The following ZNF772 variants were observed in gnomAD, a reference collection of about 807,000 sequenced individuals.
ZNF772 encodes zinc finger protein 772.
Under a neutral mutation model 11.0 loss-of-function variants are expected in ZNF772, and 8 were observed. The ratio of observed to expected loss-of-function variants is 0.73; its 90% CI spans 0.43 to 1.31. The LOEUF is 1.31. Among genes scored for constraint, ZNF772 ranks in the 50% most tolerant of loss-of-function variants. The pLI, the probability that ZNF772 is intolerant of heterozygous loss-of-function variation, is 0.01. For missense variants in ZNF772, 496 were observed against 552.3 expected, an observed-to-expected ratio of 0.90 and a Z score of 1.02; for synonymous variants, 155 against 180.4, an observed-to-expected ratio of 0.86 and a Z score of 1.13.
At chr19:57,476,409 G>C in intron 2 of ZNF772, 1 of 577,358 alleles carries the variant, frequency 1.7e-6, no homozygotes, top group East Asian at 2.9e-5. Context: ...GCTGGTTCCT[G>C]TGCCTGGAAC....
chr19:57,476,090 C>T (rs1335343129), intron 2 of ZNF772, among the ~76,000 whole-genome samples: 1 of 152,202 alleles, frequency 6.6e-6, no homozygotes, highest in Non-Finnish European at 1.5e-5. Context: ...TACCAGACAA[C>T]CAAAGATGGG....
At position 57,474,123 on chromosome 19, in the gene ZNF772, G is replaced by A; in HGVS notation, c.498C>T (p.Pro166=). 5 of 1,614,152 alleles carry A rather than the reference G, an allele frequency of 3.1e-6. No individual in the cohort carries two copies. The highest frequency in any genetic ancestry group is 4.2e-6 in the Non-Finnish European group (5 of 1,180,004). ...GCACAGCACAGTTGTTCAGAAGAAA[G>A]GGCCTGCTCTTATCACTTCTAAAGG... ...EKPFRSDKSR[P]FLLNNCAVQS... is the part of the protein sequence containing the mutation. Residue 166 remains proline (P), a synonymous_variant, in exon 4 of 4, where the codon CCC becomes CCT. Transcript: ENST00000356584.
rs867342081 is a variant in ZNF772, at chr19:57,474,410, C to T, written c.211G>A (p.Gly71Arg). Reference sequence around the variant, plus strand: ...AAAGGTATCTCTTCATCCTCCATTCCATGCCAACAACCTGAAAGCAGAGAA... The same window carrying T: ...AAAGGTATCTCTTCATCCTCCATTCTATGCCAACAACCTGAAAGCAGAGAA... ...ALMASLGCWH[G>R]MEDEEIPFEQ... The change falls in exon 4 of 4, where the codon GGA becomes AGA. Residue 71 changes from glycine to arginine, a missense_variant. Gly to Arg is a moderately radical substitution (Grantham distance 125, BLOSUM62 -2). Transcript: ENST00000356584. The T allele has an allele frequency of 7.5e-6, 12 of 1,601,758 alleles. No individual in the cohort carries two copies. The Middle Eastern group carries it at 5.0e-4, about 66-fold the overall frequency.
chr19:57,475,188 T>G lies in ZNF772; in HGVS notation c.199+472A>C, dbSNP rs140459171. The G allele has an allele frequency of 3.7e-6, 6 of 1,607,312 alleles. No homozygotes were observed. The South Asian group carries it at 4.4e-5, about 12-fold the overall frequency. On this transcript the variant is annotated intron_variant, in intron 3 of 3. Transcript: ENST00000356584. This position sits in a 1 kb window ranked among gnomAD's most constrained non-coding sequence, Gnocchi z 4.2. ...ACAGCACTGGTCTGGGTAACCCATA[T>G]AGAAAACTAAATATTATTAAAATAA...
At position 57,476,677 on chromosome 19, in the gene ZNF772, G is replaced by C; in HGVS notation, c.34-5C>G. ...TACTTCTGAGTTCATGGGAACCTGT[G>C]GGGAAGAGGGAGACTATGCGAGTCA... On this transcript the variant is annotated splice_polypyrimidine_tract_variant and splice_region_variant and intron_variant, in intron 1 of 3. Coordinates refer to ENST00000356584, the MANE Select transcript of ZNF772 (RefSeq NM_001144068.2). 6.3e-6 allele frequency: 10 copies of C among 1,592,044 alleles called. No individual in the cohort carries two copies. The highest frequency in any genetic ancestry group is 1.1e-5 in the South Asian group (1 of 87,986).
In ZNF772 at chr19:57,473,154, T is replaced by G; in HGVS notation, c.*120A>C. 1.8e-5 allele frequency: 17 copies of G among 958,216 alleles called. No individual in the cohort carries two copies. The highest frequency in any genetic ancestry group is 2.4e-5 in the Non-Finnish European group (16 of 660,748). The allele number at this position is 958,216 out of a possible 1,614,324, so 59.4% of individuals were successfully genotyped here. A position where few individuals can be genotyped will look rare whatever the true frequency, so the allele number is the denominator to read the frequency against. On this transcript the variant is annotated 3_prime_UTR_variant, in exon 4 of 4. Transcript: ENST00000356584. ...GGCACTCGGAAGAACCTCCCCAGGG[T>G]GAGTGTTTGAGTGTATAAAGTTCTA...
chr19:57,473,244 T>C lies in ZNF772; in HGVS notation c.*30A>G, dbSNP rs779770683. On this transcript the variant is annotated 3_prime_UTR_variant, in exon 4 of 4. Transcript: ENST00000356584. ...CTTCTCTCTGATGTCAGTTATTATG[T>C]TGAACAAGGAAACGGAATTATCTCC... The C allele has an allele frequency of 1.3e-6, 2 of 1,587,714 alleles. No homozygotes were observed. Among genetic ancestry groups the C allele is most frequent in the Admixed American group, 1.7e-5 (1 of 57,428 alleles).
In ZNF772 at chr19:57,476,659, G is replaced by A. The variant is rs1036206180; in HGVS notation, c.47C>T (p.Ser16Leu). 1.9e-6 allele frequency: 3 copies of A among 1,601,114 alleles called. No homozygotes were observed. Among genetic ancestry groups the A allele is most frequent in the Non-Finnish European group, 2.6e-6 (3 of 1,173,208 alleles). Residue 16 changes from serine to leucine, a missense_variant, in exon 2 of 4, where the codon TCA becomes TTA. Ser to Leu is a moderately radical substitution (Grantham distance 145, BLOSUM62 -2). Transcript: ENST00000356584. ...PMGPAQVPMN[S>L]EVIVDPIQGQ... is the part of the protein sequence containing the mutation. ...CTGTATAGGGTCCACAATTACTTCT[G>A]AGTTCATGGGAACCTGTGGGGAAGA...
At position 57,474,070 on chromosome 19, in the gene ZNF772, C is replaced by T; in HGVS notation, c.551G>A (p.Gly184Glu). 6.2e-7 allele frequency: 1 copy of T among 1,614,156 alleles called. No homozygotes were observed. The highest frequency in any genetic ancestry group is 8.5e-7 in the Non-Finnish European group (1 of 1,180,002). The change falls in exon 4 of 4, where the codon GGG becomes GAG. Residue 184 changes from glycine (G) to glutamate (E), a missense_variant. By Grantham distance (98) the Gly-to-Glu change is moderately conservative. Coordinates refer to ENST00000356584, the MANE Select transcript of ZNF772 (RefSeq NM_001144068.2). ...GGCTAGGAAGTCCTTACAAGCCTCC[C>T]CTGTCACAAAAGACATCTCCATTGA... ...VQSMEMSFVT[G>E]EACKDFLASS...
Position 57,471,979 on chromosome 19 carries a change from C to A in ZNF772, c.*1295G>T. The A allele has an allele frequency of 3.3e-6, 1 of 306,286 alleles. No homozygotes were observed. Among genetic ancestry groups the A allele is most frequent in the Admixed American group, 4.5e-5 (1 of 22,226 alleles). 19.0% of individuals were successfully genotyped at this position (306,286 alleles called of 1,614,324 possible). On this transcript the variant is annotated 3_prime_UTR_variant, in exon 4 of 4. Transcript: ENST00000356584. The stretch of plus-strand genomic sequence containing the variant: ...AAACTTTTGGTTTGAGAAGTGCCAA[C>A]ATGTATCAAAACTTATCAAATGGTA...
chr19:57,476,667 G>A lies in ZNF772; in HGVS notation c.39C>T (p.Pro13=), dbSNP rs1399127656. Residue 13 remains proline (P), a synonymous_variant, in exon 2 of 4, where the codon CCC becomes CCT. Transcript: ENST00000356584. ...GGTCCACAATTACTTCTGAGTTCAT[G>A]GGAACCTGTGGGGAAGAGGGAGACT... ...AAEPMGPAQV[P]MNSEVIVDPI... is the part of the protein sequence containing the mutation. The A allele has an allele frequency of 6.3e-7, 1 of 1,597,782 alleles. No individual in the cohort carries two copies. The highest frequency in any genetic ancestry group is 2.2e-5 in the East Asian group (1 of 44,526).
chr19:57,476,678 G>A lies in ZNF772; in HGVS notation c.34-6C>T. The A allele has an allele frequency of 1.9e-6, 3 of 1,592,010 alleles. No homozygotes were observed. Among genetic ancestry groups the A allele is most frequent in the East Asian group, 2.2e-5 (1 of 44,452 alleles). Reference sequence around the variant, plus strand: ...ACTTCTGAGTTCATGGGAACCTGTGGGGAAGAGGGAGACTATGCGAGTCAA... The same window carrying A: ...ACTTCTGAGTTCATGGGAACCTGTGAGGAAGAGGGAGACTATGCGAGTCAA... On this transcript the variant is annotated splice_polypyrimidine_tract_variant and splice_region_variant and intron_variant, in intron 1 of 3. Transcript: ENST00000356584.
At position 57,472,112 on chromosome 19, in the gene ZNF772, A is replaced by G. The variant is rs1244071496; in HGVS notation, c.*1162T>C. The G allele has an allele frequency of 2.2e-6, 1 of 456,220 alleles. No individual in the cohort carries two copies. The highest frequency in any genetic ancestry group is 1.5e-5 in the South Asian group (1 of 64,558). 28.3% of individuals were successfully genotyped at this position (456,220 alleles called of 1,614,324 possible). A position where few individuals can be genotyped will look rare whatever the true frequency, so the allele number is the denominator to read the frequency against. On this transcript the variant is annotated 3_prime_UTR_variant, in exon 4 of 4. Transcript: ENST00000356584. ...GGAAATATTTCTGTAAACCCTCATA[A>G]TGGAGCCAGAGTAATGGAAACACAT... is the stretch of plus-strand genomic sequence containing the variant.
chr19:57,473,762 C>A lies in ZNF772; in HGVS notation c.859G>T (p.Gly287Trp). The stretch of plus-strand genomic sequence containing the variant: ...TTAGAGCTATGATTAAAAACTTTCC[C>A]ACATATGCCACACTCATAAGGCATT... ...GEMPYECGICGKVFNHSSNLI... is the reference protein window; with the variant it reads ...GEMPYECGICWKVFNHSSNLI... Residue 287 changes from glycine (G) to tryptophan (W), a missense_variant, in exon 4 of 4, where the codon GGG becomes TGG. Physicochemically the swap from Gly to Trp is radical, Grantham distance 184. Transcript: ENST00000356584. The A allele has an allele frequency of 6.2e-7, 1 of 1,614,164 alleles. No individual in the cohort carries two copies. Among genetic ancestry groups the A allele is most frequent in the Non-Finnish European group, 8.5e-7 (1 of 1,180,032 alleles).
chr19:57,477,490 T>G lies in ZNF772; in HGVS notation c.-181A>C, dbSNP rs539000942. The stretch of plus-strand genomic sequence containing the variant: ...TTTTCTGTCACCTCAGGTCTGACAT[T>G]GCGTTCTGGAAACTAAACCAGTGGA... On this transcript the variant is annotated 5_prime_UTR_variant, in exon 1 of 4. Transcript: ENST00000356584. 1.7e-6 allele frequency: 1 copy of G among 586,936 alleles called. No homozygotes were observed. Among genetic ancestry groups the G allele is most frequent in the Non-Finnish European group, 3.0e-6 (1 of 335,130 alleles). The allele number at this position is 586,936 out of a possible 1,614,324, so 36.4% of individuals were successfully genotyped here. A position where few individuals can be genotyped will look rare whatever the true frequency, so the allele number is the denominator to read the frequency against.
rs2089197502 is a variant in ZNF772, at chr19:57,470,124, G to C, written c.*3150C>G. On this transcript the variant is annotated 3_prime_UTR_variant, in exon 4 of 4. Coordinates refer to ENST00000356584, the MANE Select transcript of ZNF772 (RefSeq NM_001144068.2). ...CACGCCTGTAATCCCAGCACTTTGGGAGGCTGAGGCAGGCGGATCACAAGA... is the reference window on the plus strand; with the variant it reads ...CACGCCTGTAATCCCAGCACTTTGGCAGGCTGAGGCAGGCGGATCACAAGA... 1 of 152,204 alleles carries C rather than the reference G, an allele frequency of 6.6e-6. No individual in the cohort carries two copies. Among genetic ancestry groups the C allele is most frequent in the Admixed American group, 6.5e-5 (1 of 15,274 alleles). 9.4% of individuals were successfully genotyped at this position (152,204 alleles called of 1,614,324 possible).
At position 57,473,941 on chromosome 19, in the gene ZNF772, C is replaced by G. The variant is rs149967182; in HGVS notation, c.680G>C (p.Cys227Ser). The G allele has an allele frequency of 3.5e-5, 56 of 1,614,118 alleles. No individual in the cohort carries two copies. The highest frequency in any genetic ancestry group is 4.5e-5 in the Non-Finnish European group (53 of 1,180,060). ...GCTGAAGGTTTTCCCACATTCACTGCATTTGTAATGCCTTTTTCCACAGTG... is the reference window on the plus strand; with the variant it reads ...GCTGAAGGTTTTCCCACATTCACTGGATTTGTAATGCCTTTTTCCACAGTG... Reference protein sequence around the residue: ...ASHCGKRHYKCSECGKTFSRK... With the variant: ...ASHCGKRHYKSSECGKTFSRK... Residue 227 changes from cysteine (C) to serine (S), a missense_variant, in exon 4 of 4, where the codon TGC becomes TCC. By Grantham distance (112) the Cys-to-Ser change is moderately radical. Coordinates refer to ENST00000356584, the MANE Select transcript of ZNF772 (RefSeq NM_001144068.2).
At position 57,473,418 on chromosome 19, in the gene ZNF772, G is replaced by C; in HGVS notation, c.1203C>G (p.Ala401=). Residue 401 remains alanine (A), a synonymous_variant, in exon 4 of 4, where the codon GCC becomes GCG. Transcript: ENST00000356584. Reference sequence around the variant, plus strand: ...GAACAAGTACATGTTTGTGGCTAAAGGCTTTTCCACATTCACTGCACACAT... The same window carrying C: ...GAACAAGTACATGTTTGTGGCTAAACGCTTTTCCACATTCACTGCACACAT... ...KPYVCSECGK[A]FSHKHVLVQH... The C allele has an allele frequency of 1.2e-6, 2 of 1,613,924 alleles. No homozygotes were observed. Among genetic ancestry groups the C allele is most frequent in the Non-Finnish European group, 8.5e-7 (1 of 1,179,988 alleles).
chr19:57,473,371 C>T lies in ZNF772; in HGVS notation c.1250G>A (p.Gly417Glu). Reference protein sequence around the residue: ...VLVQHHRIHTGERPYKCSECG... With the variant: ...VLVQHHRIHTEERPYKCSECG... ...TTCACTGCACTTATATGGCCTTTCT[C>T]CAGTGTGAATTCTATGATGCTGAAC... Residue 417 changes from glycine to glutamate, a missense_variant, in exon 4 of 4, where the codon GGA (glycine) becomes GAA (glutamate). By Grantham distance (98) the Gly-to-Glu change is moderately conservative. Transcript: ENST00000356584. 1 of 1,614,210 alleles carries T rather than the reference C, an allele frequency of 6.2e-7. No individual in the cohort carries two copies. The highest frequency in any genetic ancestry group is 8.5e-7 in the Non-Finnish European group (1 of 1,180,038).
Sources: gnomAD v4.1 joint callset for allele counts (sites outside exome capture counted in the v4.1 genomes callset) on GRCh38, gnomAD v4.1.1 for gene constraint, Gnocchi (gnomAD v3.1) non-coding constraint, MANE v1.5 for transcripts, NCBI Gene and HGNC (gene_info 2026-07-23, HGNC 2026-07-21) for gene names.